Variants in MCTP1 observed in about 807,000 individuals in gnomAD.
The protein encoded by MCTP1 is multiple C2 and transmembrane domain containing 1.
A neutral mutation model predicts 120.6 loss-of-function variants in MCTP1; 69 were observed. That is an observed-to-expected ratio of 0.57 (90% CI 0.47 to 0.70). MCTP1 has a LOEUF of 0.70. MCTP1 is among the 30% of genes least tolerant of loss of function. The probability of loss-of-function intolerance (pLI) is 0.00; values close to 1 mark genes in which losing one functional copy is unlikely to be tolerated. For missense variants in MCTP1, 1,203 were observed against 1,248.8 expected, an observed-to-expected ratio of 0.96 and a Z score of 0.55; for synonymous variants, 529 against 493.1, an observed-to-expected ratio of 1.07 and a Z score of -0.96.
intron 9 of MCTP1, 22 bp from the exon 10 acceptor site, chr5:94,909,403 G>T (rs1364879975): frequency 6.4e-7 from 1 of 1,566,964 alleles, no homozygotes; most frequent in Non-Finnish European, 8.6e-7. Flanking sequence ...AATCATAATT[G>T]TCATATTGCT....
At chr5:94,944,016 A>G (rs1818353646) in intron 3 of MCTP1, among the ~76,000 whole-genome samples, 1 of 152,106 alleles carries the variant, frequency 6.6e-6, no homozygotes, top group Non-Finnish European at 1.5e-5. Flanking sequence ...CTCAAAGCAG[A>G]GCATTCCTGA....
intron 18 of MCTP1, among the ~76,000 whole-genome samples, chr5:94,788,564 A>G (rs1270014403): frequency 5.3e-5 from 8 of 152,170 alleles, no homozygotes; most frequent in Admixed American, 5.2e-4. Context: ...CTCTGCTACC[A>G]TCACCCTTCC....
At chr5:95,246,182 A>G (rs1050495409) in intron 1 of MCTP1, among the ~76,000 whole-genome samples, 3 of 152,182 alleles carry the variant, frequency 2.0e-5, no homozygotes, top group Non-Finnish European at 4.4e-5. Context: ...AGGAAACACT[A>G]AATATGGAAA....
At chr5:95,094,578 C>CTTTT (rs1248517840) in intron 1 of MCTP1, among the ~76,000 whole-genome samples, 1 of 152,102 alleles carries the variant, frequency 6.6e-6, no homozygotes, top group Non-Finnish European at 1.5e-5. Flanking sequence ...AGGATTTTCA[C>CTTTT]TTACAAATTG....
chr5:94,869,951 G>A (rs1797519737), intron 16 of MCTP1, among the ~76,000 whole-genome samples: 1 of 152,058 alleles, frequency 6.6e-6, no homozygotes, highest in Non-Finnish European at 1.5e-5. Context: ...CTTAGAAGAT[G>A]GAGCCTCCTC....
intron 1 of MCTP1, among the ~76,000 whole-genome samples, chr5:95,184,027 G>A (rs1401693017): frequency 6.6e-6 from 1 of 152,136 alleles, no homozygotes; most frequent in Non-Finnish European, 1.5e-5. Flanking sequence ...GGCTAGGGGA[G>A]GGATAGCATT....
chr5:94,875,511 T>A (rs1203276579), intron 12 of MCTP1, among the ~76,000 whole-genome samples: 1 of 151,520 alleles, frequency 6.6e-6, no homozygotes, highest in Admixed American at 6.6e-5. Flanking sequence ...ATTTGAGGAG[T>A]GACATGCTCT....
chr5:95,258,593 G>A (rs887680474), intron 1 of MCTP1, among the ~76,000 whole-genome samples: 7 of 152,250 alleles, frequency 4.6e-5, no homozygotes, highest in African/African-American at 1.2e-4. Context: ...ATGTTGGTTC[G>A]TTAATTGTAA....
chr5:94,894,590 T>G, intron 11 of MCTP1, 59 bp downstream of exon 11: 1 of 1,272,798 alleles, frequency 7.9e-7, no homozygotes, highest in Non-Finnish European at 1.1e-6. Flanking sequence ...TCCAGGTAAA[T>G]TGTTTACAAC....
intron 1 of MCTP1, among the ~76,000 whole-genome samples, chr5:95,057,579 T>C (rs1368738981): frequency 1.3e-5 from 2 of 152,226 alleles, no homozygotes; most frequent in African/African-American, 2.4e-5. Flanking sequence ...AAATAGTGAC[T>C]AAGATTGCCT....
rs1421107756 is a variant in MCTP1, at chr5:94,909,368, G to A, written c.1535C>T (p.Thr512Met). The A allele has an allele frequency of 2.5e-6, 4 of 1,577,406 alleles. No individual in the cohort carries two copies. Among genetic ancestry groups the A allele is most frequent in the South Asian group, 2.4e-5 (2 of 83,362 alleles). The change falls in exon 10 of 23, where the codon ACG becomes ATG. Residue 512 changes from threonine to methionine, a missense_variant. Transcript: ENST00000515393. Reference protein sequence around the residue: ...QKYKSKIMPKTLNPQWREQFD... With the variant: ...QKYKSKIMPKMLNPQWREQFD... Reference sequence around the variant, plus strand: ...TTGTTCCCTCCACTGAGGATTCAACGTTTTTGGCATAATCTGGAAAAAAAA... The same window carrying A: ...TTGTTCCCTCCACTGAGGATTCAACATTTTTGGCATAATCTGGAAAAAAAA...
intron 2 of MCTP1, among the ~76,000 whole-genome samples, chr5:94,987,111 C>T (rs542189144): frequency 3.5e-4 from 53 of 152,078 alleles, no homozygotes; most frequent in African/African-American, 1.3e-3. Context: ...ATATTTTCAA[C>T]CCCCAGTTGG....
chr5:94,986,902 T>A (rs1405713247), intron 2 of MCTP1, among the ~76,000 whole-genome samples: 1 of 152,154 alleles, frequency 6.6e-6, no homozygotes, highest in Non-Finnish European at 1.5e-5. Flanking sequence ...AGGATCCACA[T>A]GCACATGCTT....
rs574813868 is a variant in MCTP1, at chr5:95,263,377, C to T, written c.720+20479G>A. Among the ~76,000 whole-genome samples, 6 of 152,274 alleles carry T rather than the reference C, an allele frequency of 3.9e-5. 1 individual carries two copies. Among genetic ancestry groups the T allele is most frequent in the Admixed American group, 3.9e-4 (6 of 15,292 alleles). ...AGTTAGCATCTCATGCCTCCCTTCC[C>T]ATGCACCTCCATTCAAAGCTCCACT... On this transcript the variant is annotated intron_variant, in intron 1 of 22. Transcript: ENST00000515393.
At chr5:95,181,750 T>A (rs1414801245) in intron 1 of MCTP1, among the ~76,000 whole-genome samples, 1 of 152,178 alleles carries the variant, frequency 6.6e-6, no homozygotes, top group African/African-American at 2.4e-5. Flanking sequence ...AGTAATTGCA[T>A]AAGATACAAA....
At chr5:94,834,247 G>A (rs990121339) in intron 17 of MCTP1, among the ~76,000 whole-genome samples, 1 of 152,184 alleles carries the variant, frequency 6.6e-6, no homozygotes, top group African/African-American at 2.4e-5. Context: ...TGCCCAGTCT[G>A]CATTGAAGGA....
rs567921765 is a variant in MCTP1, at chr5:94,822,508, T to C, written c.2437-23376A>G. ...AAGTCTTTGCTATTGTGAATAGTGCTGCAATAAACATACATGTGCATGTGT... is the reference window on the plus strand; with the variant it reads ...AAGTCTTTGCTATTGTGAATAGTGCCGCAATAAACATACATGTGCATGTGT... On this transcript the variant is annotated intron_variant, in intron 17 of 22. Transcript: ENST00000515393. 1.6e-4 allele frequency among the ~76,000 whole-genome samples: 25 copies of C among 152,320 alleles called. No individual in the cohort carries two copies. The Middle Eastern group carries it at 0.014, about 83-fold the overall frequency.
chr5:94,989,730 A>G (rs148494470), intron 2 of MCTP1, among the ~76,000 whole-genome samples: 12 of 152,286 alleles, frequency 7.9e-5, no homozygotes, highest in African/African-American at 2.9e-4. Flanking sequence ...TTTCAACCCC[A>G]TCCCTTGACC....
chr5:94,889,088 A>G (rs1801956224), intron 11 of MCTP1, 116 bp from the exon 12 acceptor site: 1 of 620,074 alleles, frequency 1.6e-6, no homozygotes, highest in African/African-American at 1.9e-5. Flanking sequence ...TAAGAAGATC[A>G]ACATTAAACT....
Sources: allele counts gnomAD v4.1 joint callset (sites outside exome capture counted in the v4.1 genomes callset), GRCh38; gene constraint gnomAD v4.1.1; transcripts MANE v1.5; gene names NCBI Gene and HGNC (gene_info 2026-07-23, HGNC 2026-07-21).